Variants in RANBP2 observed in about 807,000 individuals in gnomAD.
RANBP2 encodes the protein E3 SUMO-protein ligase RanBP2.
RANBP2 carries 57 observed loss-of-function variants against 303.6 expected under a neutral mutation model. The observed-to-expected ratio is 0.19, with a 90% confidence interval of 0.15 to 0.23. The LOEUF (loss-of-function observed/expected upper bound fraction) is 0.23, where lower values mean the gene tolerates loss of function less well. RANBP2 is among the 10% of genes least tolerant of loss of function. The pLI, the probability that RANBP2 is intolerant of heterozygous loss-of-function variation, is 1.00. For missense variants in RANBP2, 3,138 were observed against 3,780.8 expected (o/e 0.83, Z 4.46); for synonymous variants, 1,167 against 1,301.5 (o/e 0.90, Z 2.23).
chr2:109,261,774 T>C, the RANBP2 span, among the ~76,000 whole-genome samples: 12 of 152,232 alleles, frequency 7.9e-5, no homozygotes, highest in Non-Finnish European at 1.6e-4. Context: ...GTCATGGATT[T>C]ATACAGTGTT....
Position 108,765,832 on chromosome 2 carries a change from T to C in RANBP2, c.5293T>C (p.Ser1765Pro), listed in dbSNP as rs201509459. ...AACTGCAATTTCAACACCTGCCTCTTCGGAGATAAGCAAGGCTCCAAAGAG... is the reference window on the plus strand; with the variant it reads ...AACTGCAATTTCAACACCTGCCTCTCCGGAGATAAGCAAGGCTCCAAAGAG... ...QTTAISTPAS[S>P]EISKAPKSGF... Residue 1765 changes from serine to proline, a missense_variant, in exon 20 of 29, where the codon TCG (serine) becomes CCG (proline). Transcript: ENST00000283195. 6.2e-7 allele frequency: 1 copy of C among 1,614,192 alleles called. No homozygotes were observed. The highest frequency in any genetic ancestry group is 8.5e-7 in the Non-Finnish European group (1 of 1,180,006).
chr2:109,474,647 C>G, the RANBP2 span, among the ~76,000 whole-genome samples: 7 of 152,220 alleles, frequency 4.6e-5, no homozygotes, highest in Non-Finnish European at 1.0e-4. Flanking sequence ...AGAAGCTTCC[C>G]GCTGGTCTGC....
chr2:109,440,018 C>CCA, the RANBP2 span, among the ~76,000 whole-genome samples: 1 of 152,050 alleles, frequency 6.6e-6, no homozygotes, highest in Non-Finnish European at 1.5e-5. Flanking sequence ...TCTTAAAGGA[C>CCA]AAATAGGAAG....
At chr2:109,485,772 A>AAT in the RANBP2 span, among the ~76,000 whole-genome samples, 1 of 152,246 alleles carries the variant, frequency 6.6e-6, no homozygotes, top group Admixed American at 6.5e-5. Flanking sequence ...TATAACTCAT[A>AAT]AGCTCTCCCT....
intron 7 of RANBP2, among the ~76,000 whole-genome samples, chr2:108,741,606 C>T (rs1440686183): frequency 2.9e-5 from 4 of 137,986 alleles, no homozygotes; most frequent in Non-Finnish European, 6.2e-5. Flanking sequence ...CCCGAGTTCA[C>T]GCCATTTTCC....
At chr2:108,973,794 T>C in the RANBP2 span, among the ~76,000 whole-genome samples, 1 of 152,166 alleles carries the variant, frequency 6.6e-6, no homozygotes, top group East Asian at 1.9e-4. Flanking sequence ...TCATCAGAGT[T>C]CTCAAAGGCC....
the RANBP2 span, among the ~76,000 whole-genome samples, chr2:109,094,269 T>G: frequency 6.6e-6 from 1 of 152,162 alleles, no homozygotes; most frequent in Non-Finnish European, 1.5e-5. Flanking sequence ...AAATGCATGA[T>G]AGAAGCACTG....
At chr2:109,585,871 TA>T in the RANBP2 span, 56 of 1,544,582 alleles carry the variant, frequency 3.6e-5, no homozygotes, top group South Asian at 1.8e-4. Context: ...ACAACAGCAA[TA>T]AAAAAAACAA....
chr2:109,306,309 C>T, the RANBP2 span, among the ~76,000 whole-genome samples: 10 of 152,286 alleles, frequency 6.6e-5, no homozygotes, highest in Admixed American at 3.3e-4. Context: ...TTCCACCCTG[C>T]GATGTTGTTC....
chr2:109,619,372 G>A, the RANBP2 span, among the ~76,000 whole-genome samples: 1 of 152,186 alleles, frequency 6.6e-6, no homozygotes, highest in Non-Finnish European at 1.5e-5. Flanking sequence ...CACACCATCT[G>A]CCATAAACCT....
chr2:108,727,738 G>C (rs557352772), intron 1 of RANBP2, among the ~76,000 whole-genome samples: 2 of 151,894 alleles, frequency 1.3e-5, no homozygotes, highest in African/African-American at 4.8e-5. Flanking sequence ...AAGCAGTGGG[G>C]ATTACAGGGG....
At chr2:109,194,277 C>T in the RANBP2 span, among the ~76,000 whole-genome samples, 1 of 152,354 alleles carries the variant, frequency 6.6e-6, no homozygotes, top group South Asian at 2.1e-4. Context: ...AACACAGATG[C>T]CGGTCTTGTG....
chr2:109,334,984 G>A, the RANBP2 span, among the ~76,000 whole-genome samples: 1 of 152,212 alleles, frequency 6.6e-6, no homozygotes, highest in African/African-American at 2.4e-5. Context: ...GTCCTGGTGC[G>A]AGGCTCTGAG....
chr2:109,177,706 C>G, the RANBP2 span, among the ~76,000 whole-genome samples: 1 of 152,208 alleles, frequency 6.6e-6, no homozygotes, highest in African/African-American at 2.4e-5. Context: ...CTCTGAATAA[C>G]TTAGGACAGG....
chr2:109,582,567 C>T, the RANBP2 span, among the ~76,000 whole-genome samples: 1 of 152,206 alleles, frequency 6.6e-6, no homozygotes, highest in African/African-American at 2.4e-5. Context: ...GCGATCCTCT[C>T]TCCTTGACCT....
chr2:109,760,256 G>C, the RANBP2 span: 1 of 148,672 alleles, frequency 6.7e-6, no homozygotes, highest in African/African-American at 2.5e-5. Flanking sequence ...TCATTCCCAG[G>C]GGGTAGAATG....
chr2:109,214,139 C>T, the RANBP2 span, among the ~76,000 whole-genome samples: 2 of 152,108 alleles, frequency 1.3e-5, no homozygotes, highest in Non-Finnish European at 2.9e-5. Flanking sequence ...CCCCATGCTG[C>T]GTCTAGGTAG....
At chr2:109,470,888 T>C in the RANBP2 span, among the ~76,000 whole-genome samples, 1 of 152,142 alleles carries the variant, frequency 6.6e-6, no homozygotes, top group Non-Finnish European at 1.5e-5. Context: ...TGAGGCAGAG[T>C]CAGTGTATTA....
the RANBP2 span, among the ~76,000 whole-genome samples, chr2:109,066,099 G>A: frequency 4.0e-5 from 6 of 151,428 alleles, no homozygotes; most frequent in South Asian, 2.1e-4. Flanking sequence ...CACCATGCCC[G>A]GCTAATTCTG....
Sources: gnomAD v4.1 joint callset for allele counts (sites outside exome capture counted in the v4.1 genomes callset) on GRCh38, gnomAD v4.1.1 for gene constraint, MANE v1.5 for transcripts, NCBI Gene and HGNC (gene_info 2026-07-23, HGNC 2026-07-21) for gene names.